ZAN: variants seen among roughly 807,000 people sequenced by gnomAD.
ZAN encodes zonadhesin (gene/pseudogene).
ZAN carries 260 observed loss-of-function variants against 286.2 expected under a neutral mutation model. The ratio of observed to expected loss-of-function variants is 0.91; its 90% CI spans 0.82 to 1.01. The LOEUF is 1.01. Ranked by LOEUF, ZAN falls within the 50% of genes least tolerant of loss-of-function variation. ZAN has a pLI of 0.00. For synonymous variants in ZAN, 1,368 were observed against 1,417.5 expected, an observed-to-expected ratio of 0.97 and a Z score of 0.79; for missense variants, 3,410 against 3,639.2, an observed-to-expected ratio of 0.94 and a Z score of 1.62.
Position 100,766,680 on chromosome 7 carries a change from G to T in ZAN, c.4612+14G>T. ...GCCATGCCCAAGGTGAGCCATCAGG[G>T]TGGAAGGTGAGCTGGGGGCTGCCCA... is the stretch of plus-strand genomic sequence containing the variant. On this transcript the variant is annotated intron_variant, in intron 24 of 47. Coordinates refer to ENST00000613979, the MANE Select transcript of ZAN (RefSeq NM_003386.3). 1 of 1,562,780 alleles carries T rather than the reference G, an allele frequency of 6.4e-7. No individual in the cohort carries two copies. Among genetic ancestry groups the T allele is most frequent in the Non-Finnish European group, 8.7e-7 (1 of 1,153,144 alleles).
At chr7:100,791,517 G>A (rs535766546) in intron 40 of ZAN, among the ~76,000 whole-genome samples, 86 of 150,122 alleles carry the variant, frequency 5.7e-4, no homozygotes, top group African/African-American at 1.8e-3. Context: ...AGTGATTCTC[G>A]TGCCTCAGCC....
At chr7:100,750,998 G>C (rs1298769091) in intron 12 of ZAN, 102 bp downstream of exon 12, 1 of 1,486,232 alleles carries the variant, frequency 6.7e-7, no homozygotes, top group Non-Finnish European at 8.9e-7. Flanking sequence ...GCTGGAAAGA[G>C]AGCCGAGAAA....
chr7:100,790,367 C>T (rs1344181329), intron 39 of ZAN, among the ~76,000 whole-genome samples: 10 of 148,156 alleles, frequency 6.7e-5, no homozygotes, highest in Non-Finnish European at 1.0e-4. Context: ...TCGAGACCAT[C>T]CTGGCTAACA....
At chr7:100,775,635 T>C (rs750397245) in intron 32 of ZAN, 34 bp from the exon 33 acceptor site, 2 of 1,612,302 alleles carry the variant, frequency 1.2e-6, no homozygotes, top group East Asian at 4.5e-5. Context: ...CTCTTGTCCC[T>C]GCTCCTACTC....
rs200250278 is a variant in ZAN, at chr7:100,762,271, A to G, written c.3899A>G (p.Asn1300Ser). 1.5e-3 allele frequency: 2,428 copies of G among 1,613,710 alleles called. 4 individuals are homozygous for G. Among genetic ancestry groups the G allele is most frequent in the Non-Finnish European group, 1.8e-3 (2,091 of 1,179,780 alleles). ...GGGAACTATGACGGCAACAGTGACA[A>G]TGACCACCTGAAGTTGGACGGCAGC... ...LCGNYDGNSD[N>S]DHLKLDGSPA... is the part of the protein sequence containing the mutation. The change falls in exon 20 of 48, where the codon AAT (asparagine) becomes AGT (serine). Residue 1300 changes from asparagine (N) to serine (S), a missense_variant. Asn to Ser is a conservative substitution (Grantham distance 46). Transcript: ENST00000613979.
Position 100,795,775 on chromosome 7 carries a change from G to C in ZAN, c.8266+439G>C, listed in dbSNP as rs1241195549. Reference sequence around the variant, plus strand: ...CAAAAAGTTAGCCGGGTGTGGTGGTGTGCGCCTGTAGTCCCAGCTACTCGG... The same window carrying C: ...CAAAAAGTTAGCCGGGTGTGGTGGTCTGCGCCTGTAGTCCCAGCTACTCGG... On this transcript the variant is annotated intron_variant, in intron 45 of 47. Coordinates refer to ENST00000613979, the MANE Select transcript of ZAN (RefSeq NM_003386.3). 6.6e-5 allele frequency among the ~76,000 whole-genome samples: 10 copies of C among 151,912 alleles called. No individual in the cohort carries two copies. The South Asian group carries it at 2.1e-3, about 32-fold the overall frequency.
intron 35 of ZAN, among the ~76,000 whole-genome samples, chr7:100,783,803 CACAT>C (rs72140267): frequency 0.68 from 35,545 of 52,216 alleles, 14,614 homozygotes; most frequent in Non-Finnish European, 0.89. Context: ...TATATATACA[CACAT>C]ATATATATAC....
chr7:100,767,118 CCAGGTCCCAAGA>C lies in ZAN; in HGVS notation c.4725_4736del (p.Arg1575_Asp1578del), dbSNP rs1562938714. The C allele has an allele frequency of 6.2e-7, 1 of 1,613,952 alleles. No homozygotes were observed. The highest frequency in any genetic ancestry group is 2.2e-5 in the East Asian group (1 of 44,880). ...TATGTCCTGACCCGGCCTTGCTGGT[CCAGGTCCCAAGA>C]CAGCTATTTTGTTGTGAGCGCCACC... On this transcript the variant is annotated inframe_deletion, in exon 25 of 48. Coordinates refer to ENST00000613979, the MANE Select transcript of ZAN (RefSeq NM_003386.3).
Position 100,753,051 on chromosome 7 carries a change from A to T in ZAN, c.2946A>T (p.Lys982Asn). Residue 982 changes from lysine to asparagine, a missense_variant, in exon 14 of 48, where the codon AAA (lysine) becomes AAT (asparagine). Lys to Asn is a moderately conservative substitution (Grantham distance 94). Around this residue, in one of 7 missense-constraint regions of ZAN, gnomAD observed 1,042 missense variants for 1,058.0 expected, o/e 0.98. Coordinates refer to ENST00000613979, the MANE Select transcript of ZAN (RefSeq NM_003386.3). Reference sequence around the variant, plus strand: ...AAAAACTTACCATCCCCACGGAAAAACCCACCATCCCCACAGAAAAACCCA... The same window carrying T: ...AAAAACTTACCATCCCCACGGAAAATCCCACCATCCCCACAGAAAAACCCA... The part of the protein sequence containing the change: ...PTEKLTIPTE[K>N]PTIPTEKPTI... 6.2e-7 allele frequency: 1 copy of T among 1,612,834 alleles called. No individual in the cohort carries two copies.
At chr7:100,773,116 C>T (rs1320472864) in intron 29 of ZAN, among the ~76,000 whole-genome samples, 169 bp from the exon 30 acceptor site, 1 of 152,082 alleles carries the variant, frequency 6.6e-6, no homozygotes, top group Non-Finnish European at 1.5e-5. Flanking sequence ...GTTGGCCAGC[C>T]TGTTCTCGAA....
At chr7:100,797,150 T>C (rs979491684) in intron 45 of ZAN, among the ~76,000 whole-genome samples, 1 of 151,934 alleles carries the variant, frequency 6.6e-6, no homozygotes, top group African/African-American at 2.4e-5. Flanking sequence ...AAAAGGCTTA[T>C]GGCAAACAGA....
intron 15 of ZAN, among the ~76,000 whole-genome samples, chr7:100,757,542 G>C (rs1809229994): frequency 6.7e-6 from 1 of 148,640 alleles, no homozygotes; most frequent in East Asian, 2.1e-4. Context: ...ATCACCTGAG[G>C]TCAGGAGTTC....
At chr7:100,744,746 T>A (rs969861560) in intron 7 of ZAN, among the ~76,000 whole-genome samples, 1 of 151,450 alleles carries the variant, frequency 6.6e-6, no homozygotes, top group African/African-American at 2.4e-5. Flanking sequence ...TAAATGCTGG[T>A]TGGCTTTTTA....
intron 11 of ZAN, among the ~76,000 whole-genome samples, chr7:100,749,675 T>TACACAC (rs1289308039): frequency 7.7e-6 from 1 of 130,440 alleles, no homozygotes; most frequent in South Asian, 2.4e-4. Flanking sequence ...TATATATATA[T>TACACAC]ACACACACAC....
At chr7:100,746,807 A>G in intron 8 of ZAN, 105 bp downstream of exon 8, 1 of 1,335,966 alleles carries the variant, frequency 7.5e-7, no homozygotes, top group Admixed American at 2.0e-5. Context: ...GGAGGTCTGG[A>G]ATATGTGCGA....
rs369194516 is a variant in ZAN, at chr7:100,771,978, C to T, written c.5383C>T (p.Gln1795Ter). ...GCAGGCCTACGCGTCCCTGTGTGCC[C>T]AGGCTGGCCAGGCCCCTGCCTGGCG... is the stretch of plus-strand genomic sequence containing the variant. ...SLQAYASLCA[Q>*]AGQAPAWRNR... Residue 1795 changes from glutamine (Q) to a stop codon, truncating the protein, a stop_gained, in exon 29 of 48, where the codon CAG becomes TAG. Coordinates refer to ENST00000613979, the MANE Select transcript of ZAN (RefSeq NM_003386.3). LOFTEE classifies it high-confidence loss of function. 2 of 1,607,968 alleles carry T rather than the reference C, an allele frequency of 1.2e-6. No individual in the cohort carries two copies. The highest frequency in any genetic ancestry group is 1.7e-5 in the Admixed American group (1 of 59,946).
intron 39 of ZAN, among the ~76,000 whole-genome samples, chr7:100,790,561 C>CAAA (rs71517127): frequency 1.6e-5 from 1 of 61,874 alleles, no homozygotes; most frequent in Non-Finnish European, 3.7e-5. Context: ...GACTCCATCT[C>CAAA]AAAAAAAAAA....
chr7:100,788,652 T>C (rs916167518), intron 38 of ZAN, among the ~76,000 whole-genome samples: 1 of 152,082 alleles, frequency 6.6e-6, no homozygotes, highest in South Asian at 2.1e-4. Flanking sequence ...GCGTGAGGTG[T>C]GTGAAGGTCA....
At chr7:100,767,802 T>C in intron 25 of ZAN, 29 bp from the exon 26 acceptor site, 1 of 1,597,002 alleles carries the variant, frequency 6.3e-7, no homozygotes, top group Non-Finnish European at 8.5e-7. Flanking sequence ...TTCCTGACTC[T>C]CCTTTCTACG....
Sources: allele counts gnomAD v4.1 joint callset (sites outside exome capture counted in the v4.1 genomes callset), GRCh38; gene constraint gnomAD v4.1.1; regional missense constraint gnomAD v4.1.1; transcripts MANE v1.5; gene names NCBI Gene and HGNC (gene_info 2026-07-23, HGNC 2026-07-21).